The following PCDHGA6 variants were observed in gnomAD, a reference collection of about 807,000 sequenced individuals.
PCDHGA6 encodes the protein protocadherin gamma subfamily A, 6, also known as protocadherin gamma-A6.
PCDHGA6 carries 41 observed loss-of-function variants against 60.6 expected under a neutral mutation model. That is an observed-to-expected ratio of 0.68 (90% CI 0.53 to 0.88). PCDHGA6 has a LOEUF of 0.88. Ranked by LOEUF, PCDHGA6 falls within the 40% of genes least tolerant of loss-of-function variation. The probability of loss-of-function intolerance (pLI) is 0.00; values close to 1 mark genes in which losing one functional copy is unlikely to be tolerated. For synonymous variants in PCDHGA6, 594 were observed against 524.4 expected (o/e 1.13, Z -1.81); for missense variants, 1,312 against 1,203.0 (o/e 1.09, Z -1.34).
intron 1 of PCDHGA6, chr5:141,415,234 A>G: frequency 1.2e-6 from 2 of 1,614,136 alleles, no homozygotes; most frequent in Non-Finnish European, 1.7e-6. Context: ...GTCTCCAGCT[A>G]ACTCTGAAAC....
At chr5:141,416,620 G>T (rs1395913352) in intron 1 of PCDHGA6, 1 of 152,142 alleles carries the variant, frequency 6.6e-6, no homozygotes, top group Non-Finnish European at 1.5e-5. Flanking sequence ...CATTTCTGCA[G>T]ATCAGAATAT....
rs1476058358 is a variant in PCDHGA6, at chr5:141,374,786, G to A, written c.703G>A (p.Val235Met). The A allele has an allele frequency of 1.2e-6, 2 of 1,613,912 alleles. No individual in the cohort carries two copies. The highest frequency in any genetic ancestry group is 1.7e-5 in the Admixed American group (1 of 60,012). ...CCAAATTCTGGTAACAGTTCTAGAT[G>A]TGAATGACAACACTCCAATGTTTAC... ...VAQILVTVLD[V>M]NDNTPMFTQP... Residue 235 changes from valine (V) to methionine (M), a missense_variant, in exon 1 of 4, where the codon GTG becomes ATG. Val to Met is a conservative substitution (Grantham distance 21). Coordinates refer to ENST00000517434, the MANE Select transcript of PCDHGA6 (RefSeq NM_018919.3).
chr5:141,382,779 C>G (rs1561592016), intron 1 of PCDHGA6: 3 of 834,176 alleles, frequency 3.6e-6, no homozygotes, highest in Non-Finnish European at 5.6e-6. Flanking sequence ...GCACTAAACT[C>G]AAGCCTCTAT....
At chr5:141,497,212 G>T (rs968445663) in intron 2 of PCDHGA6, among the ~76,000 whole-genome samples, 3 of 150,900 alleles carry the variant, frequency 2.0e-5, no homozygotes, top group Non-Finnish European at 3.0e-5. Context: ...AGTGTAATGG[G>T]GGGGGGAAGA....
intron 1 of PCDHGA6, among the ~76,000 whole-genome samples, chr5:141,381,235 C>T (rs760639728): frequency 6.6e-6 from 1 of 152,270 alleles, no homozygotes; most frequent in Non-Finnish European, 1.5e-5. Context: ...ACCAACTACT[C>T]TCCAGGACCT....
chr5:141,453,559 C>T (rs2098769120), intron 1 of PCDHGA6, among the ~76,000 whole-genome samples: 1 of 152,126 alleles, frequency 6.6e-6, no homozygotes, highest in Non-Finnish European at 1.5e-5. Context: ...TGTAGATAAT[C>T]GATTTCATTA....
At position 141,490,954 on chromosome 5, in the gene PCDHGA6, G is replaced by A. The variant is rs749646808; in HGVS notation, c.2425-3853G>A. On this transcript the variant is annotated intron_variant, in intron 1 of 3. Coordinates refer to ENST00000517434, the MANE Select transcript of PCDHGA6 (RefSeq NM_018919.3). This position sits in a 1 kb window ranked among gnomAD's most constrained non-coding sequence, Gnocchi z 5.4. ...TGTGCTGCACCCACGGCCAGACTGGGAACACTCAGCCCCCCAGCGTCTCCC... is the reference window on the plus strand; with the variant it reads ...TGTGCTGCACCCACGGCCAGACTGGAAACACTCAGCCCCCCAGCGTCTCCC... 9 of 1,613,662 alleles carry A rather than the reference G, an allele frequency of 5.6e-6. No individual in the cohort carries two copies. The African/African-American group carries it at 8.0e-5, about 14-fold the overall frequency.
At chr5:141,414,748 G>A in intron 1 of PCDHGA6, 5 of 1,614,182 alleles carry the variant, frequency 3.1e-6, no homozygotes, top group Non-Finnish European at 4.2e-6. Context: ...CAGATCCTTC[G>A]ACTATGAGCA....
In PCDHGA6 at chr5:141,487,237, T is replaced by A. The variant is rs1327004790; in HGVS notation, c.2425-7570T>A. 1.2e-6 allele frequency: 2 copies of A among 1,614,122 alleles called. No individual in the cohort carries two copies. The highest frequency in any genetic ancestry group is 1.7e-6 in the Non-Finnish European group (2 of 1,179,980). On this transcript the variant is annotated intron_variant, in intron 1 of 3. Coordinates refer to ENST00000517434, the MANE Select transcript of PCDHGA6 (RefSeq NM_018919.3). This position sits in a 1 kb window ranked among gnomAD's most constrained non-coding sequence, Gnocchi z 5.0. ...CAGCTCCAAGGGAAGGAGAATCTCGTCTAACCCTCTACTTGGCTGTGTCCC... is the reference window on the plus strand; with the variant it reads ...CAGCTCCAAGGGAAGGAGAATCTCGACTAACCCTCTACTTGGCTGTGTCCC...
intron 1 of PCDHGA6, chr5:141,377,057 C>A (rs72790015): frequency 0.063 from 9,654 of 152,822 alleles, 351 homozygotes; most frequent in African/African-American, 0.097. Context: ...TTTTCTTAGC[C>A]CTTTGCAGAG....
In PCDHGA6 at chr5:141,432,976, C is replaced by A. The variant is rs373558125; in HGVS notation, c.2424+56469C>A. The stretch of plus-strand genomic sequence containing the variant: ...GCTTGACAGGAGCGCCGGCGTCGCA[C>A]TTTGTGGGCGTGGACGGGGTGCAGG... On this transcript the variant is annotated intron_variant, in intron 1 of 3. Coordinates refer to ENST00000517434, the MANE Select transcript of PCDHGA6 (RefSeq NM_018919.3). This position sits in a 1 kb window ranked among gnomAD's most constrained non-coding sequence, Gnocchi z 6.0. 1 of 1,614,210 alleles carries A rather than the reference C, an allele frequency of 6.2e-7. No individual in the cohort carries two copies.
At chr5:141,456,197 C>T (rs1353243708) in intron 1 of PCDHGA6, among the ~76,000 whole-genome samples, 1 of 152,090 alleles carries the variant, frequency 6.6e-6, no homozygotes, top group Non-Finnish European at 1.5e-5. Context: ...ATAACTCCTA[C>T]CACATTCCTC....
chr5:141,510,323 C>A (rs1173679711), intron 3 of PCDHGA6, among the ~76,000 whole-genome samples: 1 of 151,234 alleles, frequency 6.6e-6, no homozygotes, highest in East Asian at 2.0e-4. Flanking sequence ...TGGAAGAGCA[C>A]TCTTCACCCC....
chr5:141,480,074 A>G (rs976924380), intron 1 of PCDHGA6, among the ~76,000 whole-genome samples: 5 of 152,196 alleles, frequency 3.3e-5, no homozygotes, highest in Non-Finnish European at 7.3e-5. Flanking sequence ...TATAAGATTC[A>G]TGCATGATAT....
chr5:141,428,077 A>G (rs2097107152), intron 1 of PCDHGA6: 4 of 1,609,206 alleles, frequency 2.5e-6, no homozygotes, highest in South Asian at 1.1e-5. Flanking sequence ...GATTCGGGAC[A>G]CAACGCTTGG....
intron 1 of PCDHGA6, among the ~76,000 whole-genome samples, chr5:141,433,395 CTA>C (rs1426636882): frequency 1.1e-4 from 17 of 150,770 alleles, no homozygotes; most frequent in African/African-American, 4.1e-4. Flanking sequence ...ATCTATCTAT[CTA>C]TCTATCTATT....
intron 1 of PCDHGA6, chr5:141,382,749 G>A: frequency 1.6e-6 from 1 of 612,214 alleles, no homozygotes; most frequent in Non-Finnish European, 2.8e-6. Flanking sequence ...GACAGATTGC[G>A]ATAAGCCCTC....
intron 1 of PCDHGA6, among the ~76,000 whole-genome samples, chr5:141,387,440 A>G (rs2090946110): frequency 6.6e-6 from 1 of 152,240 alleles, no homozygotes; most frequent in African/African-American, 2.4e-5. Flanking sequence ...TATGTACTTA[A>G]TCTACATGAT....
At chr5:141,387,237 G>A (rs1273049599) in intron 1 of PCDHGA6, among the ~76,000 whole-genome samples, 2 of 152,168 alleles carry the variant, frequency 1.3e-5, no homozygotes, top group African/African-American at 4.8e-5. Flanking sequence ...AAATCAACTT[G>A]GAGGTACTTA....
Sources: allele counts gnomAD v4.1 joint callset (sites outside exome capture counted in the v4.1 genomes callset), GRCh38; gene constraint gnomAD v4.1.1; non-coding constraint Gnocchi (gnomAD v3.1); transcripts MANE v1.5; gene names NCBI Gene and HGNC (gene_info 2026-07-23, HGNC 2026-07-21).